Variants in RFTN2 observed in about 807,000 individuals in gnomAD.
RFTN2 encodes the protein raftlin family member 2.
A neutral mutation model predicts 52.7 loss-of-function variants in RFTN2; 34 were observed. The ratio of observed to expected loss-of-function variants is 0.64; its 90% confidence interval spans 0.49 to 0.86. The LOEUF is 0.86. Ranked by LOEUF, RFTN2 falls within the 40% of genes least tolerant of loss-of-function variation. The pLI, the probability that RFTN2 is intolerant of heterozygous loss-of-function variation, is 0.00. For missense variants in RFTN2, 536 were observed against 600.1 expected, an observed-to-expected ratio of 0.89 and a Z score of 1.12; for synonymous variants, 203 against 217.7, an observed-to-expected ratio of 0.93 and a Z score of 0.59.
At chr2:197,657,052 A>G (rs1272364416) in intron 1 of RFTN2, among the ~76,000 whole-genome samples, 1 of 151,816 alleles carries the variant, frequency 6.6e-6, no homozygotes, top group Admixed American at 6.6e-5. Flanking sequence ...TTTGGTAGAG[A>G]TGGGGTCTTG....
At chr2:197,618,287 T>C (rs2106213824) in intron 5 of RFTN2, among the ~76,000 whole-genome samples, 1 of 152,258 alleles carries the variant, frequency 6.6e-6, no homozygotes, top group South Asian at 2.1e-4. Flanking sequence ...GGGGATTCGC[T>C]GTGTTGGCCG....
At chr2:197,664,349 G>T (rs1055897813) in intron 1 of RFTN2, among the ~76,000 whole-genome samples, 4 of 151,864 alleles carry the variant, frequency 2.6e-5, no homozygotes, top group Non-Finnish European at 5.9e-5. Flanking sequence ...GGTGGTGTGT[G>T]CCTGTAGTCC....
chr2:197,615,786 T>C (rs769591739), intron 7 of RFTN2, 90 bp downstream of exon 7: 4 of 698,844 alleles, frequency 5.7e-6, no homozygotes, highest in Non-Finnish European at 9.9e-6. Flanking sequence ...TCTGTAGGCA[T>C]TAAACAAATA....
intron 7 of RFTN2, among the ~76,000 whole-genome samples, chr2:197,605,534 T>C (rs565468616): frequency 3.3e-5 from 5 of 152,296 alleles, no homozygotes; most frequent in African/African-American, 1.2e-4. Flanking sequence ...GGGTTTTAAA[T>C]GAGAAGTTTT....
intron 8 of RFTN2, among the ~76,000 whole-genome samples, chr2:197,574,300 T>G (rs543538602): frequency 6.6e-6 from 1 of 152,200 alleles, no homozygotes; most frequent in Non-Finnish European, 1.5e-5. Flanking sequence ...CTTGCATCAG[T>G]GTGACCTGGA....
chr2:197,577,115 C>G (rs1296750712), intron 8 of RFTN2, among the ~76,000 whole-genome samples: 1 of 152,202 alleles, frequency 6.6e-6, no homozygotes, highest in African/African-American at 2.4e-5. Flanking sequence ...TGGATGGAAC[C>G]AAAGTTCATC....
In RFTN2 at chr2:197,636,868, C is replaced by T. The variant is rs2088575656; in HGVS notation, c.439-2871G>A. Among the ~76,000 whole-genome samples the T allele has an allele frequency of 6.7e-5, 10 of 150,010 alleles. No homozygotes were observed. In the South Asian group the frequency reaches 2.1e-3, roughly 32 times the overall value. On this transcript the variant is annotated intron_variant, in intron 3 of 8. Coordinates refer to ENST00000295049, the MANE Select transcript of RFTN2 (RefSeq NM_144629.3). Reference sequence around the variant, plus strand: ...TTTTGCCCATTTAGTATGATATTGGCTGTGGGTTTGTCATAGATAGCTCTT... The same window carrying T: ...TTTTGCCCATTTAGTATGATATTGGTTGTGGGTTTGTCATAGATAGCTCTT...
At chr2:197,573,109 G>A (rs958881437) in intron 8 of RFTN2, among the ~76,000 whole-genome samples, 2 of 151,402 alleles carry the variant, frequency 1.3e-5, no homozygotes, top group African/African-American at 4.9e-5. Flanking sequence ...AGTGGCGGGG[G>A]TGGGGGGTGC....
chr2:197,627,425 C>CTATTGTAAG (rs2088383437), intron 5 of RFTN2, among the ~76,000 whole-genome samples: 3 of 152,236 alleles, frequency 2.0e-5, no homozygotes, highest in Non-Finnish European at 4.4e-5. Context: ...TGCCATACGG[C>CTATTGTAAG]TAGCGCCTTG....
chr2:197,638,441 T>A (rs1363272188), intron 3 of RFTN2, among the ~76,000 whole-genome samples: 12 of 82,454 alleles, frequency 1.5e-4, no homozygotes, highest in Admixed American at 3.9e-4. Context: ...GGTGCATATA[T>A]ATTTAGGATA....
rs1241645273 is a variant in RFTN2, at chr2:197,571,494, T to C, written c.*514A>G. On this transcript the variant is annotated 3_prime_UTR_variant, in exon 9 of 9. Transcript: ENST00000295049. ...GGGCTTGCTTTGTATATACATGCTA[T>C]AGTTAAAGACAAAATGTGGATTAAT... is the stretch of plus-strand genomic sequence containing the variant. 2 of 156,804 alleles carry C rather than the reference T, an allele frequency of 1.3e-5. No homozygotes were observed. The highest frequency in any genetic ancestry group is 4.8e-5 in the African/African-American group (2 of 41,462). 9.7% of individuals were successfully genotyped at this position (156,804 alleles called of 1,614,324 possible).
intron 8 of RFTN2, among the ~76,000 whole-genome samples, chr2:197,592,966 A>G (rs1359830155): frequency 6.6e-6 from 1 of 152,204 alleles, no homozygotes; most frequent in Non-Finnish European, 1.5e-5. Context: ...TAGCTGTTAG[A>G]CACTTTGACT....
chr2:197,642,902 TC>T (rs1485168793), intron 3 of RFTN2, among the ~76,000 whole-genome samples: 1 of 152,140 alleles, frequency 6.6e-6, no homozygotes, highest in Non-Finnish European at 1.5e-5. Context: ...TTGCTTGAGT[TC>T]AAGAGTTCGA....
chr2:197,579,810 C>T (rs2087475806), intron 8 of RFTN2, among the ~76,000 whole-genome samples: 1 of 152,114 alleles, frequency 6.6e-6, no homozygotes, highest in South Asian at 2.1e-4. Flanking sequence ...AATCAGGCTC[C>T]AATTCTTCCT....
chr2:197,610,753 C>A (rs2088043852), intron 7 of RFTN2, among the ~76,000 whole-genome samples: 1 of 152,162 alleles, frequency 6.6e-6, no homozygotes, highest in Non-Finnish European at 1.5e-5. Flanking sequence ...GTGGGTTTGT[C>A]ACAAATAGCT....
intron 7 of RFTN2, among the ~76,000 whole-genome samples, chr2:197,599,890 A>C (rs1320055709): frequency 6.6e-6 from 1 of 151,588 alleles, no homozygotes; most frequent in Non-Finnish European, 1.5e-5. Flanking sequence ...CGGAGTCTCC[A>C]CTCTGTTGCC....
At chr2:197,599,854 T>C (rs561540954) in intron 7 of RFTN2, among the ~76,000 whole-genome samples, 2 of 151,930 alleles carry the variant, frequency 1.3e-5, no homozygotes, top group South Asian at 4.2e-4. Context: ...AGCTTGATTT[T>C]ATTTTATATT....
intron 4 of RFTN2, among the ~76,000 whole-genome samples, chr2:197,633,475 T>A (rs781014340): frequency 1.2e-4 from 18 of 152,170 alleles, no homozygotes; most frequent in Admixed American, 8.5e-4. Context: ...TAGAAACCAA[T>A]CTTCAACACA....
intron 2 of RFTN2, among the ~76,000 whole-genome samples, chr2:197,644,846 T>C (rs1379752983): frequency 6.6e-6 from 1 of 152,236 alleles, no homozygotes; most frequent in Non-Finnish European, 1.5e-5. Context: ...CTTCATATTC[T>C]AGTGAAAGCT....
Sources: gnomAD v4.1 joint callset for allele counts (sites outside exome capture counted in the v4.1 genomes callset) on GRCh38, gnomAD v4.1.1 for gene constraint, MANE v1.5 for transcripts, NCBI Gene and HGNC (gene_info 2026-07-23, HGNC 2026-07-21) for gene names.